USH2A: variants seen among roughly 807,000 people sequenced by gnomAD.
USH2A encodes the protein usherin.
In USH2A, 443 loss-of-function variants were observed where a neutral mutation model predicts 538.9. The observed-to-expected ratio is 0.82, with a 90% CI of 0.76 to 0.89. USH2A has a LOEUF of 0.89. Among genes scored for constraint, USH2A ranks in the 40% least tolerant of loss-of-function variants. The pLI is 0.00. For missense variants in USH2A, 6,633 were observed against 6,324.8 expected (o/e 1.05, Z -1.65); for synonymous variants, 2,413 against 2,273.5 (o/e 1.06, Z -1.75).
At chr1:216,010,128 T>C (rs1406873831) in intron 32 of USH2A, among the ~76,000 whole-genome samples, 1 of 152,188 alleles carries the variant, frequency 6.6e-6, no homozygotes, top group Non-Finnish European at 1.5e-5. Context: ...TAACCTCGCC[T>C]TCAAGGTGTA....
chr1:216,326,036 G>A lies in USH2A; in HGVS notation c.849-437C>T, dbSNP rs189478730. 2.1e-3 allele frequency among the ~76,000 whole-genome samples: 319 copies of A among 152,288 alleles called. 1 individual carries two copies. The highest frequency in any genetic ancestry group is 3.9e-3 in the African/African-American group (163 of 41,564). ...CAGTTCATCCATGGGAAAGAAGTAC[G>A]AAAGCAAGTATCATTTTATCTGCTT... On this transcript the variant is annotated intron_variant, in intron 5 of 71. Transcript: ENST00000307340.
chr1:215,708,876 G>A (rs1457381543), intron 61 of USH2A, among the ~76,000 whole-genome samples: 1 of 152,008 alleles, frequency 6.6e-6, no homozygotes, highest in Non-Finnish European at 1.5e-5. Context: ...TGTAGTTTAT[G>A]GTTCTATGCT....
intron 21 of USH2A, among the ~76,000 whole-genome samples, chr1:216,147,177 A>G (rs560644751): frequency 5.8e-4 from 88 of 151,494 alleles, no homozygotes; most frequent in Non-Finnish European, 1.1e-3. Flanking sequence ...GAGTCTTTCT[A>G]ATCTTCCTTT....
intron 67 of USH2A, among the ~76,000 whole-genome samples, chr1:215,644,805 T>C (rs1395730867): frequency 6.6e-6 from 1 of 152,210 alleles, no homozygotes; most frequent in African/African-American, 2.4e-5. Flanking sequence ...GGGCAAAGCA[T>C]CTGCAGACCG....
chr1:215,749,766 T>C (rs1660572019), intron 58 of USH2A, among the ~76,000 whole-genome samples: 2 of 152,202 alleles, frequency 1.3e-5, no homozygotes, highest in Non-Finnish European at 2.9e-5. Context: ...GTTTTGTTAT[T>C]TGGTGTCAAA....
At chr1:215,788,425 A>G (rs191407749) in intron 51 of USH2A, among the ~76,000 whole-genome samples, 1 of 152,306 alleles carries the variant, frequency 6.6e-6, no homozygotes, top group African/African-American at 2.4e-5. Context: ...CAAGGGCTGC[A>G]TGAAGCATCA....
intron 32 of USH2A, among the ~76,000 whole-genome samples, chr1:216,006,281 C>A (rs67994803): frequency 0.15 from 22,330 of 152,192 alleles, 1,885 homozygotes; most frequent in Non-Finnish European, 0.19. Flanking sequence ...TACTTCCCAC[C>A]TCTTCCACTT....
chr1:215,836,831 C>G (rs1258151064), intron 47 of USH2A, among the ~76,000 whole-genome samples: 2 of 151,318 alleles, frequency 1.3e-5, no homozygotes, highest in East Asian at 4.0e-4. Flanking sequence ...GCTGGGATTA[C>G]AGGCGTGAGC....
intron 21 of USH2A, among the ~76,000 whole-genome samples, chr1:216,136,536 T>C (rs965989115): frequency 1.3e-5 from 2 of 152,288 alleles, no homozygotes; most frequent in South Asian, 2.1e-4. Flanking sequence ...TACTTTCTCG[T>C]CAGTTATGCA....
chr1:215,822,493 T>C (rs1341199432), intron 47 of USH2A, among the ~76,000 whole-genome samples: 1 of 151,976 alleles, frequency 6.6e-6, no homozygotes, highest in African/African-American at 2.4e-5. Flanking sequence ...CTTTACTAAA[T>C]TTGTTCATCA....
chr1:215,682,336 T>C (rs1658262464), intron 61 of USH2A, among the ~76,000 whole-genome samples: 1 of 152,150 alleles, frequency 6.6e-6, no homozygotes, highest in Non-Finnish European at 1.5e-5. Context: ...ATGTGGGCTA[T>C]AAAGCAAAAA....
Position 215,844,459 on chromosome 1 carries a change from G to C in USH2A, c.9093C>G (p.Ile3031Met), listed in dbSNP as rs774531184. 27 of 1,611,960 alleles carry C rather than the reference G, an allele frequency of 1.7e-5. No homozygotes were observed. Among genetic ancestry groups the C allele is most frequent in the Non-Finnish European group, 2.3e-5 (27 of 1,179,848 alleles). The change falls in exon 46 of 72, where the codon ATC becomes ATG. Residue 3031 changes from isoleucine to methionine, a missense_variant. Ile to Met is a conservative substitution (Grantham distance 10). Transcript: ENST00000307340. ...AGATGACACGTACAGCTGTACTGTTGATGATGACAACCTCTGGAGGAAGCA... is the reference window on the plus strand; with the variant it reads ...AGATGACACGTACAGCTGTACTGTTCATGATGACAACCTCTGGAGGAAGCA... Reference protein sequence around the residue: ...QGMLPPEVVIINSTAVRVIWT... With the variant: ...QGMLPPEVVIMNSTAVRVIWT...
chr1:216,182,482 A>G lies in USH2A; in HGVS notation c.4397-7000T>C, dbSNP rs186443859. On this transcript the variant is annotated intron_variant, in intron 20 of 71. Coordinates refer to ENST00000307340, the MANE Select transcript of USH2A (RefSeq NM_206933.4). ...TAGACCTGGCCACAGAGGTCATCAC[A>G]TAGTTCAAAATCAAGCCTTTTCCTT... is the stretch of plus-strand genomic sequence containing the variant. Among the ~76,000 whole-genome samples, 8 of 152,238 alleles carry G rather than the reference A, an allele frequency of 5.3e-5. No individual in the cohort carries two copies. In the East Asian group the frequency reaches 1.5e-3, roughly 29 times the overall value.
intron 11 of USH2A, among the ~76,000 whole-genome samples, chr1:216,277,639 C>T (rs966163297): frequency 2.0e-5 from 3 of 152,072 alleles, no homozygotes; most frequent in African/African-American, 7.2e-5. Context: ...ACTCATTCTC[C>T]CTAGTCTTCA....
chr1:215,723,497 A>C (rs1571622324), intron 61 of USH2A, among the ~76,000 whole-genome samples: 2 of 152,192 alleles, frequency 1.3e-5, no homozygotes, highest in East Asian at 1.9e-4. Context: ...ATGGCACCAC[A>C]ACATGGGCAA....
chr1:216,275,293 T>C (rs2036651935), intron 11 of USH2A, among the ~76,000 whole-genome samples: 2 of 152,146 alleles, frequency 1.3e-5, no homozygotes, highest in South Asian at 4.1e-4. Context: ...TGTGGTCTTA[T>C]TGTAATTTGC....
chr1:216,167,863 T>C (rs1353283183), intron 21 of USH2A, among the ~76,000 whole-genome samples: 1 of 152,160 alleles, frequency 6.6e-6, no homozygotes, highest in Non-Finnish European at 1.5e-5. Flanking sequence ...CAGATCTATA[T>C]GAATTTGCCG....
intron 56 of USH2A, among the ~76,000 whole-genome samples, chr1:215,761,113 T>C (rs547543312): frequency 1.1e-4 from 16 of 152,330 alleles, no homozygotes; most frequent in African/African-American, 3.8e-4. Context: ...TGCTTCTAGT[T>C]ATTTCCTACA....
intron 3 of USH2A, among the ~76,000 whole-genome samples, chr1:216,390,667 C>T (rs564679241): frequency 6.6e-6 from 1 of 152,098 alleles, no homozygotes; most frequent in East Asian, 1.9e-4. Context: ...ACCTAAATAA[C>T]TTAAAAAAGA....
Sources: gnomAD v4.1 joint callset for allele counts (sites outside exome capture counted in the v4.1 genomes callset) on GRCh38, gnomAD v4.1.1 for gene constraint, MANE v1.5 for transcripts, NCBI Gene and HGNC (gene_info 2026-07-23, HGNC 2026-07-21) for gene names.